The following WDR17 variants were observed in gnomAD, a reference collection of about 807,000 sequenced individuals.
WDR17 encodes the protein WD repeat-containing protein 17.
A neutral mutation model predicts 161.7 loss-of-function variants in WDR17; 143 were observed. The ratio of observed to expected loss-of-function variants is 0.88; its 90% CI spans 0.77 to 1.02. The LOEUF (loss-of-function observed/expected upper bound fraction) is 1.02, where lower values mean the gene tolerates loss of function less well. Ranked by LOEUF, WDR17 falls within the 50% of genes least tolerant of loss-of-function variation. The probability of loss-of-function intolerance (pLI) is 0.00; values close to 1 mark genes in which losing one functional copy is unlikely to be tolerated. For missense variants in WDR17, 1,469 were observed against 1,520.9 expected, an observed-to-expected ratio of 0.97 and a Z score of 0.57; for synonymous variants, 517 against 515.6, an observed-to-expected ratio of 1.00 and a Z score of -0.04.
chr4:176,149,341 CT>C (rs1424056326), intron 13 of WDR17, among the ~76,000 whole-genome samples: 1 of 151,960 alleles, frequency 6.6e-6, no homozygotes, highest in African/African-American at 2.4e-5. Flanking sequence ...GCAAACACAG[CT>C]CACGTCAACC....
intron 7 of WDR17, among the ~76,000 whole-genome samples, 193 bp downstream of exon 7, chr4:176,131,931 C>T (rs1743527032): frequency 1.3e-5 from 2 of 151,810 alleles, no homozygotes; most frequent in African/African-American, 4.8e-5. Context: ...AACTTTTAAC[C>T]ACTATACTTC....
At position 176,119,757 on chromosome 4, in the gene WDR17, G is replaced by A. The variant is rs1741242360; in HGVS notation, c.308-110G>A. 4 of 947,158 alleles carry A rather than the reference G, an allele frequency of 4.2e-6. No homozygotes were observed. In the South Asian group the frequency reaches 7.1e-5, roughly 17 times the overall value. 58.7% of individuals were successfully genotyped at this position (947,158 alleles called of 1,614,324 possible). On this transcript the variant is annotated intron_variant, in intron 3 of 28. Coordinates refer to ENST00000508596, the MANE Select transcript of WDR17 (RefSeq NM_181265.4). ...TCCAATTCCCAAATAAGAAAGTAATGTATCTTAAAAATAATAATTTGTTTT... is the reference window on the plus strand; with the variant it reads ...TCCAATTCCCAAATAAGAAAGTAATATATCTTAAAAATAATAATTTGTTTT...
chr4:176,131,532 A>G (rs200906152), intron 6 of WDR17, 22 bp from the exon 7 acceptor site: 1 of 1,578,562 alleles, frequency 6.3e-7, no homozygotes. Context: ...TTCCAATAGG[A>G]TTTTTTTTCT....
Position 176,181,084 on chromosome 4 carries a change from A to C in WDR17, c.*1505A>C, listed in dbSNP as rs1752111334. The C allele has an allele frequency of 6.6e-6, 1 of 152,144 alleles. No homozygotes were observed. The highest frequency in any genetic ancestry group is 2.1e-4 in the South Asian group (1 of 4,832). The allele number at this position is 152,144 out of a possible 1,614,324, so 9.4% of individuals were successfully genotyped here. A position where few individuals can be genotyped will look rare whatever the true frequency, so the allele number is the denominator to read the frequency against. On this transcript the variant is annotated 3_prime_UTR_variant, in exon 29 of 29. Transcript: ENST00000508596. Reference sequence around the variant, plus strand: ...ATATTTTTAAAACCTTCTTAACAAAACTTCTTAAAACTGGAAAAAATATAT... The same window carrying C: ...ATATTTTTAAAACCTTCTTAACAAACCTTCTTAAAACTGGAAAAAATATAT...
intron 11 of WDR17, among the ~76,000 whole-genome samples, chr4:176,143,009 A>ATGG (rs1477052677): frequency 5.9e-5 from 9 of 152,136 alleles, no homozygotes; most frequent in Non-Finnish European, 1.5e-5. Context: ...CCTCCTGAGT[A>ATGG]GCTGGGATTA....
intron 3 of WDR17, among the ~76,000 whole-genome samples, chr4:176,116,863 G>T (rs1416146331): frequency 2.0e-5 from 3 of 151,610 alleles, no homozygotes; most frequent in Non-Finnish European, 3.0e-5. Flanking sequence ...TTAGTATTTT[G>T]GTTTGTCTTT....
At chr4:176,147,720 C>T (rs1441986434) in intron 12 of WDR17, among the ~76,000 whole-genome samples, 1 of 152,094 alleles carries the variant, frequency 6.6e-6, no homozygotes, top group Non-Finnish European at 1.5e-5. Context: ...CTAACCGGCA[C>T]ATTGTGCACA....
intron 1 of WDR17, among the ~76,000 whole-genome samples, chr4:176,100,046 T>G (rs917139069): frequency 6.6e-6 from 1 of 152,214 alleles, no homozygotes; most frequent in Non-Finnish European, 1.5e-5. Context: ...AATAAACATA[T>G]GAGTGCAGGT....
chr4:176,104,474 G>A (rs577520782), intron 1 of WDR17, among the ~76,000 whole-genome samples: 7 of 151,950 alleles, frequency 4.6e-5, no homozygotes, highest in Middle Eastern at 3.4e-3. Context: ...AACTTTGGTT[G>A]GTGATTCCAC....
At chr4:176,076,256 C>T (rs200179514) in intron 1 of WDR17, among the ~76,000 whole-genome samples, 707 of 54,690 alleles carry the variant, frequency 0.013, 2 homozygotes, top group Non-Finnish European at 0.022. Context: ...TATATATATA[C>T]ACACACACAC....
chr4:176,081,198 G>T (rs1734705694), intron 1 of WDR17, among the ~76,000 whole-genome samples: 1 of 152,060 alleles, frequency 6.6e-6, no homozygotes, highest in African/African-American at 2.4e-5. Flanking sequence ...CACAAAATGG[G>T]ATTTCTGTGT....
At chr4:176,146,216 C>T in intron 12 of WDR17, 57 bp downstream of exon 12, 1 of 1,543,642 alleles carries the variant, frequency 6.5e-7, no homozygotes, top group Non-Finnish European at 8.8e-7. Flanking sequence ...TTATATTTTC[C>T]TAGAAATGTA....
At chr4:176,097,130 A>G (rs1198496606) in intron 1 of WDR17, among the ~76,000 whole-genome samples, 1 of 152,022 alleles carries the variant, frequency 6.6e-6, no homozygotes, top group African/African-American at 2.4e-5. Context: ...ATTCTAACCT[A>G]TTATTACAAT....
At chr4:176,172,727 T>G (rs1030027827) in intron 24 of WDR17, among the ~76,000 whole-genome samples, 1 of 152,100 alleles carries the variant, frequency 6.6e-6, no homozygotes, top group African/African-American at 2.4e-5. Flanking sequence ...AGGTGAGGCC[T>G]CAGGAAACTT....
intron 12 of WDR17, among the ~76,000 whole-genome samples, chr4:176,147,004 C>T (rs1746283317): frequency 6.6e-6 from 1 of 151,926 alleles, no homozygotes; most frequent in Non-Finnish European, 1.5e-5. Context: ...GTAGCTGGGA[C>T]TACAGGTGTG....
At chr4:176,089,767 G>T (rs1735882227) in intron 1 of WDR17, among the ~76,000 whole-genome samples, 1 of 152,096 alleles carries the variant, frequency 6.6e-6, no homozygotes, top group South Asian at 2.1e-4. Context: ...TTCCCAGCCT[G>T]CTCCCTAGGG....
At position 176,086,162 on chromosome 4, in the gene WDR17, G is replaced by A. The variant is rs977415242; in HGVS notation, c.-7+20083G>A. On this transcript the variant is annotated intron_variant, in intron 1 of 28. Transcript: ENST00000508596. ...CTATCCTGATTTTAAAATATACTCT[G>A]AATGATTTCAGCGTTTTAAAGTTTG... Among the ~76,000 whole-genome samples the A allele has an allele frequency of 2.6e-5, 4 of 151,848 alleles. No individual in the cohort carries two copies. The East Asian group carries it at 7.7e-4, about 29-fold the overall frequency.
At chr4:176,117,683 A>G (rs1474876244) in intron 3 of WDR17, among the ~76,000 whole-genome samples, 1 of 152,078 alleles carries the variant, frequency 6.6e-6, no homozygotes, top group Non-Finnish European at 1.5e-5. Flanking sequence ...ATACTTTCTA[A>G]TTAACAGTCC....
intron 1 of WDR17, among the ~76,000 whole-genome samples, chr4:176,073,123 C>CT (rs1292306723): frequency 6.6e-6 from 1 of 151,776 alleles, no homozygotes; most frequent in Non-Finnish European, 1.5e-5. Flanking sequence ...TATTATTATA[C>CT]TTTAAGTTTT....
Sources: allele counts gnomAD v4.1 joint callset (sites outside exome capture counted in the v4.1 genomes callset), GRCh38; gene constraint gnomAD v4.1.1; transcripts MANE v1.5; gene names NCBI Gene and HGNC (gene_info 2026-07-23, HGNC 2026-07-21).